Variants in PM20D2 observed in about 807,000 individuals in gnomAD.
PM20D2 encodes the protein peptidase M20 domain containing 2.
In PM20D2, 33 loss-of-function variants were observed where a neutral mutation model predicts 42.9. The ratio of observed to expected loss-of-function variants is 0.77; its 90% CI spans 0.58 to 1.03. The LOEUF (loss-of-function observed/expected upper bound fraction) is 1.03. Ranked by LOEUF, PM20D2 falls within the 50% of genes least tolerant of loss-of-function variation. The pLI, the probability that PM20D2 is intolerant of heterozygous loss-of-function variation, is 0.00. For synonymous variants in PM20D2, 250 were observed against 228.2 expected (o/e 1.10, Z -0.86); for missense variants, 548 against 557.0 (o/e 0.98, Z 0.16).
chr6:89,103,139 A>AAT, the PM20D2 span, among the ~76,000 whole-genome samples: 1 of 152,134 alleles, frequency 6.6e-6, no homozygotes, highest in Admixed American at 6.5e-5. Flanking sequence ...TACAAAGCAG[A>AAT]ATAGCATTGC....
At chr6:89,098,308 A>T in the PM20D2 span, 2 of 304,556 alleles carry the variant, frequency 6.6e-6, no homozygotes. Flanking sequence ...CAGTTTACTC[A>T]TTTCCCTTGA....
the PM20D2 span, among the ~76,000 whole-genome samples, chr6:89,135,541 T>C: frequency 8.6e-5 from 13 of 151,388 alleles, no homozygotes; most frequent in Non-Finnish European, 1.5e-4. Flanking sequence ...AATGTCTTAT[T>C]TCAATGGCAT....
chr6:89,107,015 T>A, the PM20D2 span: 1 of 904,880 alleles, frequency 1.1e-6, no homozygotes, highest in Admixed American at 2.0e-5. Flanking sequence ...TACTGTGGAC[T>A]GCTTTAGATC....
At chr6:89,102,740 A>G in the PM20D2 span, among the ~76,000 whole-genome samples, 25 of 150,532 alleles carry the variant, frequency 1.7e-4, no homozygotes, top group Non-Finnish European at 2.2e-4. Flanking sequence ...CTTTTTTTAC[A>G]TTTTAATAAT....
At chr6:89,103,432 G>T in the PM20D2 span, among the ~76,000 whole-genome samples, 1 of 151,824 alleles carries the variant, frequency 6.6e-6, no homozygotes, top group Non-Finnish European at 1.5e-5. Context: ...AGGTTCAAGC[G>T]ATTCTCCTGC....
rs113398984 is a variant in PM20D2, at chr6:89,147,847, C to A, written c.465+1238C>A. Among the ~76,000 whole-genome samples, 49 of 150,946 alleles carry A rather than the reference C, an allele frequency of 3.2e-4. No homozygotes were observed. In the Middle Eastern group the frequency reaches 0.01, roughly 32 times the overall value. ...GGCAGAGGTTGCAGTGAGCCGACAT[C>A]GCGCCACTGCACTCCATCCTGGGCA... On this transcript the variant is annotated intron_variant, in intron 1 of 6. Coordinates refer to ENST00000275072, the MANE Select transcript of PM20D2 (RefSeq NM_001010853.3).
the PM20D2 span, among the ~76,000 whole-genome samples, chr6:89,123,219 G>A: frequency 6.6e-6 from 1 of 152,130 alleles, no homozygotes; most frequent in East Asian, 1.9e-4. Flanking sequence ...GAAGCACAGT[G>A]CTAGGAACTG....
At chr6:89,134,025 A>G in the PM20D2 span, among the ~76,000 whole-genome samples, 1 of 151,336 alleles carries the variant, frequency 6.6e-6, no homozygotes, top group Non-Finnish European at 1.5e-5. Flanking sequence ...GTACACTGAC[A>G]CAGGTATTTT....
chr6:89,111,413 A>G, the PM20D2 span, among the ~76,000 whole-genome samples: 1 of 152,186 alleles, frequency 6.6e-6, no homozygotes, highest in Non-Finnish European at 1.5e-5. Context: ...TTTTGATGCT[A>G]TGGTAAATGC....
At chr6:89,114,134 C>T in the PM20D2 span, among the ~76,000 whole-genome samples, 109,187 of 152,116 alleles carry the variant, frequency 0.72, 39,292 homozygotes, top group East Asian at 0.84. Context: ...ATGGGGTTAA[C>T]AAAGAACATA....
the PM20D2 span, among the ~76,000 whole-genome samples, chr6:89,131,161 A>C: frequency 6.6e-6 from 1 of 151,428 alleles, no homozygotes; most frequent in Admixed American, 6.6e-5. Context: ...TTCTTATAAA[A>C]CCACTAATCC....
Position 89,146,073 on chromosome 6 carries a change from G to C in PM20D2, c.-72G>C. On this transcript the variant is annotated 5_prime_UTR_variant, in exon 1 of 7. Transcript: ENST00000275072. ...CGGGGTCCTGGAGGCCTCTGGGCGC[G>C]TGCGCGGGCGGTCGCTACCTGCGGC... is the stretch of plus-strand genomic sequence containing the variant. The C allele has an allele frequency of 7.7e-7, 1 of 1,305,078 alleles. No homozygotes were observed. The allele number at this position is 1,305,078 out of a possible 1,614,324, so 80.8% of individuals were successfully genotyped here.
intron 1 of PM20D2, 23 bp downstream of exon 1, chr6:89,146,632 G>A (rs1476123035): frequency 7.2e-7 from 1 of 1,380,930 alleles, no homozygotes; most frequent in African/African-American, 1.5e-5. Context: ...CCGGGTGCGG[G>A]ACCCTATCCG....
the PM20D2 span, among the ~76,000 whole-genome samples, chr6:89,099,415 C>CATAT: frequency 8.5e-5 from 12 of 140,426 alleles, no homozygotes; most frequent in Non-Finnish European, 1.1e-4. Context: ...TATATATATA[C>CATAT]ATATATATAT....
chr6:89,133,585 G>T, the PM20D2 span, among the ~76,000 whole-genome samples: 37,132 of 150,794 alleles, frequency 0.25, 5,349 homozygotes, highest in Non-Finnish European at 0.3. Flanking sequence ...CTTGCCTGTA[G>T]ATATGAATAT....
the PM20D2 span, among the ~76,000 whole-genome samples, chr6:89,123,905 A>C: frequency 7.1e-6 from 1 of 141,158 alleles, no homozygotes. Flanking sequence ...GGCATGGTGG[A>C]GTGTGCCTGT....
chr6:89,142,298 C>T (rs550328326), upstream of PM20D2, among the ~76,000 whole-genome samples: 12 of 152,246 alleles, frequency 7.9e-5, 1 homozygote, highest in South Asian at 8.3e-4. Context: ...GTGCGTGTTA[C>T]GTGTTTGTTT....
chr6:89,107,976 C>A, the PM20D2 span, among the ~76,000 whole-genome samples: 1 of 152,152 alleles, frequency 6.6e-6, no homozygotes, highest in African/African-American at 2.4e-5. Context: ...ACTTTAATTT[C>A]ATGTTTATGT....
upstream of PM20D2, among the ~76,000 whole-genome samples, chr6:89,143,058 A>G (rs1770393209): frequency 6.6e-6 from 1 of 151,708 alleles, no homozygotes; most frequent in African/African-American, 2.4e-5. Flanking sequence ...AATTTTCTTC[A>G]TTTTATTTTT....
Sources: gnomAD v4.1 joint callset for allele counts (sites outside exome capture counted in the v4.1 genomes callset) on GRCh38, gnomAD v4.1.1 for gene constraint, MANE v1.5 for transcripts, NCBI Gene and HGNC (gene_info 2026-07-23, HGNC 2026-07-21) for gene names.